Variants in CADM2 observed in about 807,000 individuals in gnomAD.
CADM2 encodes immunoglobulin superfamily member 4D.
Under a neutral mutation model 49.8 loss-of-function variants are expected in CADM2, and 12 were observed. The ratio of observed to expected loss-of-function variants is 0.24; its 90% CI spans 0.15 to 0.39. The LOEUF (loss-of-function observed/expected upper bound fraction) is 0.39, where lower values mean the gene tolerates loss of function less well. CADM2 is among the 10% of genes least tolerant of loss of function. The pLI, the probability that CADM2 is intolerant of heterozygous loss-of-function variation, is 1.00. For missense variants in CADM2, 378 were observed against 492.3 expected (o/e 0.77, Z 2.20); for synonymous variants, 214 against 175.4 (o/e 1.22, Z -1.74).
At chr3:85,939,714 G>A (rs1047740847) in intron 7 of CADM2, among the ~76,000 whole-genome samples, 3 of 150,298 alleles carry the variant, frequency 2.0e-5, no homozygotes, top group African/African-American at 7.4e-5. Context: ...GTATTGATAA[G>A]TTTTTCTATG....
intron 1 of CADM2, among the ~76,000 whole-genome samples, chr3:85,310,029 T>G (rs2044306187): frequency 6.6e-6 from 1 of 152,198 alleles, no homozygotes; most frequent in African/African-American, 2.4e-5. Flanking sequence ...AATTTAATGA[T>G]TTTGGTGTAT....
At chr3:86,014,600 G>A (rs573260999) in intron 8 of CADM2, 1 of 1,599,210 alleles carries the variant, frequency 6.3e-7, no homozygotes, top group South Asian at 1.1e-5. Flanking sequence ...ACATTATTCA[G>A]GAACTTAAAG....
rs941423269 is a variant in CADM2 at position 85,946,718 on chromosome 3, A to G, written c.791+10861A>G. 1.6e-4 allele frequency among the ~76,000 whole-genome samples: 25 copies of G among 152,068 alleles called. 1 individual carries two copies. In the East Asian group the frequency reaches 4.7e-3, roughly 28 times the overall value. On this transcript the variant is annotated intron_variant, in intron 7 of 9. Coordinates refer to ENST00000383699, the MANE Select transcript of CADM2 (RefSeq NM_001167675.2). ...GGAAAGGATTCCCTATTTAACAAAT[A>G]GTGCTGGGAAAACTGGCTAGCCATA...
chr3:85,092,073 A>G (rs764782778), intron 1 of CADM2, among the ~76,000 whole-genome samples: 2 of 152,148 alleles, frequency 1.3e-5, no homozygotes, highest in South Asian at 4.1e-4. Flanking sequence ...TAGATGTAAG[A>G]ACTTTCGCTC....
At chr3:85,919,489 ATC>A (rs961614036) in intron 6 of CADM2, among the ~76,000 whole-genome samples, 2 of 151,904 alleles carry the variant, frequency 1.3e-5, no homozygotes, top group Non-Finnish European at 2.9e-5. Flanking sequence ...TAAGAAATAT[ATC>A]ATATATATTT....
intron 1 of CADM2, among the ~76,000 whole-genome samples, chr3:85,092,535 A>G (rs778419381): frequency 3.3e-5 from 5 of 152,148 alleles, no homozygotes; most frequent in Admixed American, 6.5e-5. Flanking sequence ...TGTCTAATAA[A>G]TATGGATGAA....
intron 1 of CADM2, among the ~76,000 whole-genome samples, chr3:85,639,687 T>G (rs530758054): frequency 6.6e-6 from 1 of 152,172 alleles, no homozygotes; most frequent in Non-Finnish European, 1.5e-5. Context: ...AACAAGTGTT[T>G]GTATGATGTA....
chr3:85,676,342 A>T (rs1170883690), intron 1 of CADM2, among the ~76,000 whole-genome samples: 2 of 152,226 alleles, frequency 1.3e-5, no homozygotes, highest in Non-Finnish European at 2.9e-5. Context: ...GGCATAAAAT[A>T]TCTGCCTTGC....
intron 1 of CADM2, among the ~76,000 whole-genome samples, chr3:85,293,048 C>T (rs1411912035): frequency 1.3e-5 from 2 of 151,368 alleles, no homozygotes; most frequent in Non-Finnish European, 3.0e-5. Context: ...GCTAGCAAGA[C>T]TAAGAGAAAA....
chr3:85,977,725 G>A (rs1350846974), intron 8 of CADM2, among the ~76,000 whole-genome samples: 1 of 151,436 alleles, frequency 6.6e-6, no homozygotes, highest in Middle Eastern at 3.4e-3. Flanking sequence ...ATGGTAGATC[G>A]CACTCCAGGC....
At chr3:85,171,114 A>AT (rs1036436685) in intron 1 of CADM2, among the ~76,000 whole-genome samples, 6 of 152,156 alleles carry the variant, frequency 3.9e-5, no homozygotes, top group South Asian at 2.1e-4. Context: ...AAAAATGTTA[A>AT]TTTTTTCTAA....
chr3:85,005,492 T>A (rs2033675270), intron 1 of CADM2, among the ~76,000 whole-genome samples: 1 of 152,200 alleles, frequency 6.6e-6, no homozygotes, highest in East Asian at 1.9e-4. Flanking sequence ...TTATTTTGTA[T>A]TATTATTTTA....
chr3:85,446,949 T>G (rs1367317070), intron 1 of CADM2, among the ~76,000 whole-genome samples: 1 of 139,874 alleles, frequency 7.1e-6, no homozygotes, highest in Non-Finnish European at 1.5e-5. Flanking sequence ...TACATCACTC[T>G]GGTAGCTAAA....
At chr3:85,997,284 T>C (rs1350920433) in intron 8 of CADM2, among the ~76,000 whole-genome samples, 1 of 152,210 alleles carries the variant, frequency 6.6e-6, no homozygotes, top group East Asian at 1.9e-4. Context: ...CTGTGTATTA[T>C]TTGCATAACT....
At chr3:85,844,883 G>T (rs1425822722) in intron 3 of CADM2, among the ~76,000 whole-genome samples, 1 of 151,986 alleles carries the variant, frequency 6.6e-6, no homozygotes, top group Non-Finnish European at 1.5e-5. Flanking sequence ...AGGCGTGGTG[G>T]CTCACACTTG....
intron 1 of CADM2, among the ~76,000 whole-genome samples, chr3:85,278,674 AT>A (rs1206087446): frequency 6.9e-6 from 1 of 144,650 alleles, no homozygotes; most frequent in African/African-American, 2.6e-5. Flanking sequence ...GAAGTACATA[AT>A]TTTTCAGAGA....
intron 1 of CADM2, among the ~76,000 whole-genome samples, chr3:85,353,072 A>T (rs774360313): frequency 2.8e-4 from 43 of 152,154 alleles, no homozygotes; most frequent in Non-Finnish European, 5.9e-4. Context: ...AGTGAGAGCT[A>T]ATCTATTTTT....
intron 3 of CADM2, among the ~76,000 whole-genome samples, chr3:85,874,443 C>T (rs1340774340): frequency 1.3e-5 from 2 of 152,094 alleles, no homozygotes; most frequent in Non-Finnish European, 2.9e-5. Context: ...TCCATAATAG[C>T]ATGACATATA....
At chr3:85,712,140 G>A (rs184007179) in intron 1 of CADM2, among the ~76,000 whole-genome samples, 14 of 152,214 alleles carry the variant, frequency 9.2e-5, no homozygotes, top group Non-Finnish European at 1.9e-4. Flanking sequence ...TGAATCTAAG[G>A]TAGTTACAGA....
Sources: allele counts gnomAD v4.1 joint callset (sites outside exome capture counted in the v4.1 genomes callset), GRCh38; gene constraint gnomAD v4.1.1; transcripts MANE v1.5; gene names NCBI Gene and HGNC (gene_info 2026-07-23, HGNC 2026-07-21).